The following HS6ST3 variants were observed in gnomAD, a reference collection of about 807,000 sequenced individuals.
HS6ST3 encodes the protein heparan-sulfate 6-O-sulfotransferase 3.
In HS6ST3, 12 loss-of-function variants were observed where a neutral mutation model predicts 36.7. The ratio of observed to expected loss-of-function variants is 0.33; its 90% CI spans 0.21 to 0.53. The LOEUF (loss-of-function observed/expected upper bound fraction) is 0.53, where lower values mean the gene tolerates loss of function less well. Ranked by LOEUF, HS6ST3 falls within the 20% of genes least tolerant of loss-of-function variation. The probability of loss-of-function intolerance (pLI) is 0.95; values close to 1 mark genes in which losing one functional copy is unlikely to be tolerated. For missense variants in HS6ST3, 584 were observed against 640.9 expected (o/e 0.91, Z 0.96); for synonymous variants, 240 against 257.5 (o/e 0.93, Z 0.65).
intron 1 of HS6ST3, among the ~76,000 whole-genome samples, chr13:96,638,775 G>A (rs546385940): frequency 6.6e-6 from 1 of 151,826 alleles, no homozygotes; most frequent in South Asian, 2.1e-4. Flanking sequence ...ACCCAGTCTT[G>A]GGTATGTCCT....
chr13:96,508,186 T>C (rs181521864), intron 1 of HS6ST3, among the ~76,000 whole-genome samples: 53 of 152,220 alleles, frequency 3.5e-4, no homozygotes, highest in Admixed American at 6.6e-4. Flanking sequence ...CGCAGGGTAA[T>C]ATTAATCCCC....
intron 1 of HS6ST3, among the ~76,000 whole-genome samples, chr13:96,781,368 G>A (rs917488780): frequency 3.3e-5 from 5 of 152,156 alleles, no homozygotes; most frequent in African/African-American, 1.2e-4. Flanking sequence ...GCCCCCTTTG[G>A]CCAGATGCCC....
At chr13:96,706,308 T>C (rs1194449535) in intron 1 of HS6ST3, among the ~76,000 whole-genome samples, 3 of 151,238 alleles carry the variant, frequency 2.0e-5, no homozygotes, top group Non-Finnish European at 2.9e-5. Flanking sequence ...GTGTTGTTAG[T>C]AGCCTGAGTC....
intron 1 of HS6ST3, among the ~76,000 whole-genome samples, chr13:96,357,373 C>T (rs922642745): frequency 1.3e-5 from 2 of 152,130 alleles, no homozygotes; most frequent in Admixed American, 1.3e-4. Flanking sequence ...TTAATCATTT[C>T]TAGCTTTGTA....
intron 1 of HS6ST3, among the ~76,000 whole-genome samples, chr13:96,319,554 T>C (rs969648605): frequency 6.6e-6 from 1 of 152,182 alleles, no homozygotes; most frequent in Non-Finnish European, 1.5e-5. Context: ...TATTTAACTC[T>C]TTGAAAGACT....
rs999109455 is a variant in HS6ST3 at position 96,434,666 on chromosome 13, T to A, written c.707+343097T>A. On this transcript the variant is annotated intron_variant, in intron 1 of 1. Coordinates refer to ENST00000376705, the MANE Select transcript of HS6ST3 (RefSeq NM_153456.4). Reference sequence around the variant, plus strand: ...CAAGCTCTGCCAAGATCCAGGCTTCTCTCCCCAAGCTGCCCACCCTTCTTC... The same window carrying A: ...CAAGCTCTGCCAAGATCCAGGCTTCACTCCCCAAGCTGCCCACCCTTCTTC... Among the ~76,000 whole-genome samples, 9 of 152,182 alleles carry A rather than the reference T, an allele frequency of 5.9e-5. No individual in the cohort carries two copies. The East Asian group carries it at 1.4e-3, about 23-fold the overall frequency.
At chr13:96,643,469 G>A (rs1387992448) in intron 1 of HS6ST3, among the ~76,000 whole-genome samples, 1 of 151,856 alleles carries the variant, frequency 6.6e-6, no homozygotes, top group Non-Finnish European at 1.5e-5. Flanking sequence ...CATTACCTAT[G>A]TTTTCCTTTT....
intron 1 of HS6ST3, among the ~76,000 whole-genome samples, chr13:96,502,274 A>G (rs2056007669): frequency 6.6e-6 from 1 of 151,682 alleles, no homozygotes; most frequent in Non-Finnish European, 1.5e-5. Context: ...GTATTAATTG[A>G]CGGATTTGAT....
At chr13:96,248,626 G>A (rs2054594468) in intron 1 of HS6ST3, among the ~76,000 whole-genome samples, 1 of 152,138 alleles carries the variant, frequency 6.6e-6, no homozygotes, top group Non-Finnish European at 1.5e-5. Flanking sequence ...ATATAAATCA[G>A]AAATCCTTGC....
intron 1 of HS6ST3, among the ~76,000 whole-genome samples, chr13:96,264,421 C>G (rs1000316374): frequency 6.6e-6 from 1 of 152,174 alleles, no homozygotes; most frequent in African/African-American, 2.4e-5. Context: ...GCAGAAAACC[C>G]TGATTTCTAG....
chr13:96,354,744 A>G (rs1925108), intron 1 of HS6ST3, among the ~76,000 whole-genome samples: 1 of 152,014 alleles, frequency 6.6e-6, no homozygotes, highest in Non-Finnish European at 1.5e-5. Context: ...TTAATCTTCA[A>G]CACAAATTTA....
intron 1 of HS6ST3, among the ~76,000 whole-genome samples, chr13:96,457,441 A>G (rs2055759542): frequency 6.6e-6 from 1 of 152,166 alleles, no homozygotes; most frequent in African/African-American, 2.4e-5. Flanking sequence ...AGTTACATAA[A>G]TGTGATGCAC....
intron 1 of HS6ST3, among the ~76,000 whole-genome samples, chr13:96,752,334 G>T (rs925672634): frequency 6.6e-6 from 1 of 152,010 alleles, no homozygotes; most frequent in Non-Finnish European, 1.5e-5. Context: ...CGTGTAATGG[G>T]CTTGCACATT....
At chr13:96,543,407 A>G (rs970942946) in intron 1 of HS6ST3, among the ~76,000 whole-genome samples, 4 of 152,222 alleles carry the variant, frequency 2.6e-5, no homozygotes, top group African/African-American at 9.6e-5. Context: ...ACACATTGAG[A>G]AAAAGAAGCG....
At chr13:96,630,329 C>A (rs2056527619) in intron 1 of HS6ST3, among the ~76,000 whole-genome samples, 1 of 152,062 alleles carries the variant, frequency 6.6e-6, no homozygotes, top group South Asian at 2.1e-4. Context: ...ATGTTGAGTT[C>A]CTCCAGAGAG....
At chr13:96,238,687 C>T (rs1346841149) in intron 1 of HS6ST3, among the ~76,000 whole-genome samples, 1 of 152,240 alleles carries the variant, frequency 6.6e-6, no homozygotes, top group Non-Finnish European at 1.5e-5. Flanking sequence ...TATGTTTCCT[C>T]TGCAAGGCTG....
chr13:96,232,791 A>G (rs1049411800), intron 1 of HS6ST3, among the ~76,000 whole-genome samples: 2 of 152,180 alleles, frequency 1.3e-5, no homozygotes, highest in African/African-American at 4.8e-5. Context: ...CAAAGATGAG[A>G]AGCAACAGAG....
intron 1 of HS6ST3, among the ~76,000 whole-genome samples, chr13:96,177,032 C>A (rs868689817): frequency 3.9e-5 from 6 of 152,152 alleles, no homozygotes; most frequent in African/African-American, 1.4e-4. Context: ...CTCAATATCA[C>A]TGATCATTAG....
At chr13:96,621,965 T>C (rs2056496619) in intron 1 of HS6ST3, among the ~76,000 whole-genome samples, 1 of 151,438 alleles carries the variant, frequency 6.6e-6, no homozygotes, top group Non-Finnish European at 1.5e-5. Context: ...AATAAAGCAG[T>C]GTTTGGATAG....
Sources: allele counts gnomAD v4.1 joint callset (sites outside exome capture counted in the v4.1 genomes callset), GRCh38; gene constraint gnomAD v4.1.1; transcripts MANE v1.5; gene names NCBI Gene and HGNC (gene_info 2026-07-23, HGNC 2026-07-21).